The following CPED1 variants were observed in gnomAD, a reference collection of about 807,000 sequenced individuals.
The protein encoded by CPED1 is cadherin like and PC-esterase domain containing 1.
CPED1 carries 114 observed loss-of-function variants against 128.2 expected under a neutral mutation model. That is an observed-to-expected ratio of 0.89 (90% CI 0.76 to 1.04). The LOEUF (loss-of-function observed/expected upper bound fraction) is 1.04, where lower values mean the gene tolerates loss of function less well. CPED1 is among the 50% of genes least tolerant of loss of function. The probability of loss-of-function intolerance (pLI) is 0.00; values close to 1 mark genes in which losing one functional copy is unlikely to be tolerated. For synonymous variants in CPED1, 462 were observed against 426.7 expected (o/e 1.08, Z -1.02); for missense variants, 1,211 against 1,207.1 (o/e 1.00, Z -0.05).
At chr7:121,148,315 G>T (rs185034068) in intron 16 of CPED1, among the ~76,000 whole-genome samples, 1 of 152,172 alleles carries the variant, frequency 6.6e-6, no homozygotes, top group East Asian at 1.9e-4. Flanking sequence ...AGCAGCAGCC[G>T]AGGTAATAGG....
intron 16 of CPED1, among the ~76,000 whole-genome samples, chr7:121,218,545 C>A (rs1008654166): frequency 7.2e-5 from 11 of 152,006 alleles, no homozygotes; most frequent in African/African-American, 1.7e-4. Context: ...ATCTCCTGGG[C>A]AAACCTACTT....
chr7:121,062,091 T>C (rs1459538277), intron 4 of CPED1, among the ~76,000 whole-genome samples: 1 of 152,196 alleles, frequency 6.6e-6, no homozygotes, highest in Non-Finnish European at 1.5e-5. Context: ...GGCAGAAGGA[T>C]AGAACAATTG....
intron 15 of CPED1, among the ~76,000 whole-genome samples, 174 bp downstream of exon 15, chr7:121,141,187 C>T (rs981041712): frequency 6.6e-6 from 1 of 151,948 alleles, no homozygotes; most frequent in Non-Finnish European, 1.5e-5. Context: ...CTTTGCAGCT[C>T]ATCTTTGTAA....
In CPED1 at chr7:121,295,753, C is replaced by T. The variant is rs1005956455; in HGVS notation, c.*101C>T. 19 of 908,864 alleles carry T rather than the reference C, an allele frequency of 2.1e-5. No individual in the cohort carries two copies. Among genetic ancestry groups the T allele is most frequent in the Admixed American group, 1.4e-4 (7 of 50,274 alleles). 56.3% of individuals were successfully genotyped at this position (908,864 alleles called of 1,614,324 possible). A position where few individuals can be genotyped will look rare whatever the true frequency, so the allele number is the denominator to read the frequency against. The stretch of plus-strand genomic sequence containing the variant: ...GCACATCGCACACATTTGGGATCGA[C>T]CACACACACTTGTGCACACCAGCAC... On this transcript the variant is annotated 3_prime_UTR_variant, in exon 23 of 23. Transcript: ENST00000310396.
In CPED1 at chr7:121,195,969, A is replaced by T. The variant is rs529190930; in HGVS notation, c.2056-40745A>T. ...TGCCTTGACTATAACACATAAAGGG[A>T]CTATGTGGCTTAGGTTGCCGCTTTC... On this transcript the variant is annotated intron_variant, in intron 16 of 22. Transcript: ENST00000310396. Among the ~76,000 whole-genome samples the T allele has an allele frequency of 2.0e-5, 3 of 152,106 alleles. No individual in the cohort carries two copies. In the East Asian group the frequency reaches 5.8e-4, roughly 30 times the overall value.
chr7:121,162,001 C>G (rs1481720291), intron 16 of CPED1, among the ~76,000 whole-genome samples: 1 of 152,172 alleles, frequency 6.6e-6, no homozygotes, highest in East Asian at 1.9e-4. Context: ...TAGTAAATGC[C>G]TACACTGTTC....
chr7:121,110,733 A>G (rs1453127347), intron 7 of CPED1, among the ~76,000 whole-genome samples: 8 of 152,198 alleles, frequency 5.3e-5, no homozygotes, highest in Admixed American at 5.2e-4. Context: ...GGATGCCTCT[A>G]AAAGATAGTG....
At chr7:121,114,291 A>C (rs1187488903) in intron 7 of CPED1, among the ~76,000 whole-genome samples, 3 of 152,306 alleles carry the variant, frequency 2.0e-5, no homozygotes, top group East Asian at 3.9e-4. Context: ...CTTAGTTACC[A>C]CTGACAGCTT....
intron 4 of CPED1, 82 bp from the exon 5 acceptor site, chr7:121,064,156 C>T (rs569542026): frequency 2.0e-5 from 18 of 906,858 alleles, no homozygotes; most frequent in Non-Finnish European, 3.2e-5. Context: ...CATCTATACT[C>T]TCTGGGTTTT....
In CPED1 at chr7:121,221,175, C is replaced by T. The variant is rs1797867957; in HGVS notation, c.2056-15539C>T. On this transcript the variant is annotated intron_variant, in intron 16 of 22. Transcript: ENST00000310396. ...TCCCTGCCCTGTGTCCAAGTGTTCT[C>T]ATTGTTCAATTCCCACCTATGAGTG... Among the ~76,000 whole-genome samples the T allele has an allele frequency of 2.0e-5, 3 of 152,128 alleles. No individual in the cohort carries two copies. In the South Asian group the frequency reaches 6.2e-4, roughly 32 times the overall value.
At chr7:121,159,367 A>T (rs959615825) in intron 16 of CPED1, among the ~76,000 whole-genome samples, 2 of 152,272 alleles carry the variant, frequency 1.3e-5, no homozygotes, top group East Asian at 3.9e-4. Context: ...TGGAGTTGAG[A>T]TTATAATTTG....
chr7:121,200,264 G>T (rs1394282487), intron 16 of CPED1, among the ~76,000 whole-genome samples: 1 of 152,058 alleles, frequency 6.6e-6, no homozygotes, highest in Non-Finnish European at 1.5e-5. Flanking sequence ...TGGTGTGCAA[G>T]GATATAAAAA....
chr7:121,082,427 T>A (rs1794316441), intron 5 of CPED1, among the ~76,000 whole-genome samples: 2 of 152,160 alleles, frequency 1.3e-5, no homozygotes, highest in Non-Finnish European at 2.9e-5. Flanking sequence ...AATAGGCAAG[T>A]AAGTACAATT....
intron 7 of CPED1, among the ~76,000 whole-genome samples, chr7:121,102,829 C>T (rs570851617): frequency 3.4e-4 from 52 of 152,186 alleles, no homozygotes; most frequent in Middle Eastern, 3.4e-3. Context: ...TATCCCTGAC[C>T]GTGGCTACCA....
intron 22 of CPED1, among the ~76,000 whole-genome samples, chr7:121,290,346 G>A (rs1368908478): frequency 2.6e-5 from 4 of 152,138 alleles, no homozygotes; most frequent in Non-Finnish European, 4.4e-5. Flanking sequence ...TAGGTCAAAT[G>A]GTATTTCTAG....
intron 16 of CPED1, among the ~76,000 whole-genome samples, chr7:121,154,120 A>G (rs1434729004): frequency 1.3e-5 from 2 of 152,258 alleles, no homozygotes; most frequent in Non-Finnish European, 2.9e-5. Flanking sequence ...GTACTGTGCT[A>G]CTGTAATAAT....
Position 121,296,553 on chromosome 7 carries a change from G to C in CPED1, c.*901G>C, listed in dbSNP as rs1792827315. 6.6e-6 allele frequency: 1 copy of C among 152,044 alleles called. No homozygotes were observed. The highest frequency in any genetic ancestry group is 2.4e-5 in the African/African-American group (1 of 41,422). The allele number at this position is 152,044 out of a possible 1,614,324, so 9.4% of individuals were successfully genotyped here. A position where few individuals can be genotyped will look rare whatever the true frequency, so the allele number is the denominator to read the frequency against. On this transcript the variant is annotated 3_prime_UTR_variant, in exon 23 of 23. Coordinates refer to ENST00000310396, the MANE Select transcript of CPED1 (RefSeq NM_024913.5). ...TGCAAAGGACTATGCATTCTGAAAT[G>C]CATAGGTGCTTTTTCCCACCAAGCA...
At chr7:121,177,391 A>G (rs1489982132) in intron 16 of CPED1, among the ~76,000 whole-genome samples, 6 of 152,004 alleles carry the variant, frequency 3.9e-5, no homozygotes, top group Admixed American at 3.9e-4. Flanking sequence ...TCTCTATCCG[A>G]CTTTACAAGC....
intron 5 of CPED1, among the ~76,000 whole-genome samples, chr7:121,079,741 G>A (rs1468374179): frequency 6.6e-6 from 1 of 152,224 alleles, no homozygotes; most frequent in African/African-American, 2.4e-5. Flanking sequence ...CTTTGGTAGA[G>A]TAAATTTCGA....
Sources: allele counts gnomAD v4.1 joint callset (sites outside exome capture counted in the v4.1 genomes callset), GRCh38; gene constraint gnomAD v4.1.1; transcripts MANE v1.5; gene names NCBI Gene and HGNC (gene_info 2026-07-23, HGNC 2026-07-21).